Variants in ROBO1 observed in about 807,000 individuals in gnomAD.
The protein encoded by ROBO1 is roundabout guidance receptor 1.
In ROBO1, 149 loss-of-function variants were observed where a neutral mutation model predicts 195.9. That is an observed-to-expected ratio of 0.76 (90% CI 0.67 to 0.87). The LOEUF (loss-of-function observed/expected upper bound fraction) is 0.87, where lower values mean the gene tolerates loss of function less well. Ranked by LOEUF, ROBO1 falls within the 40% of genes least tolerant of loss-of-function variation. ROBO1 has a pLI of 0.00. For missense variants in ROBO1, 1,933 were observed against 2,068.3 expected, an observed-to-expected ratio of 0.93 and a Z score of 1.27; for synonymous variants, 816 against 733.2, an observed-to-expected ratio of 1.11 and a Z score of -1.82.
chr3:79,620,006 T>A (rs1489753197), intron 1 of ROBO1, among the ~76,000 whole-genome samples: 5 of 152,110 alleles, frequency 3.3e-5, no homozygotes, highest in African/African-American at 1.2e-4. Flanking sequence ...CCCAGCCACA[T>A]CTCCAGCATA....
rs2038741464 is a variant in ROBO1, at chr3:78,918,234, TAA to T, written c.499+20365_499+20366del. Among the ~76,000 whole-genome samples the T allele has an allele frequency of 2.6e-5, 4 of 152,278 alleles. No homozygotes were observed. The South Asian group carries it at 8.3e-4, about 32-fold the overall frequency. ...TTATTCCTTCTCCCATGAAATAGGTTAAATTGTGTTGATGACATTTACATCTA... is the reference window on the plus strand; with the variant it reads ...TTATTCCTTCTCCCATGAAATAGGTTATTGTGTTGATGACATTTACATCTA... On this transcript the variant is annotated intron_variant, in intron 4 of 30. Transcript: ENST00000464233.
At chr3:79,607,523 T>G (rs1944526169) in intron 1 of ROBO1, among the ~76,000 whole-genome samples, 2 of 151,518 alleles carry the variant, frequency 1.3e-5, no homozygotes, top group Admixed American at 6.6e-5. Context: ...TAACAGAAAA[T>G]TTTTGATATT....
intron 10 of ROBO1, among the ~76,000 whole-genome samples, chr3:78,677,790 C>T (rs1708530227): frequency 6.6e-6 from 1 of 152,038 alleles, no homozygotes; most frequent in East Asian, 1.9e-4. Flanking sequence ...ACAAGCATAC[C>T]CAGGAATTGA....
chr3:78,751,907 G>A (rs2082805780), intron 4 of ROBO1, among the ~76,000 whole-genome samples: 1 of 152,022 alleles, frequency 6.6e-6, no homozygotes, highest in African/African-American at 2.4e-5. Flanking sequence ...GGGAAAAATA[G>A]GGGAAGATAT....
intron 2 of ROBO1, among the ~76,000 whole-genome samples, chr3:79,533,260 T>C (rs1941730421): frequency 6.6e-6 from 1 of 152,152 alleles, no homozygotes; most frequent in Non-Finnish European, 1.5e-5. Context: ...ACATCATCCA[T>C]TGCATCATTA....
chr3:79,759,321 A>T (rs953034317), intron 1 of ROBO1, among the ~76,000 whole-genome samples: 1 of 152,214 alleles, frequency 6.6e-6, no homozygotes, highest in Non-Finnish European at 1.5e-5. Context: ...TTGAGTGCTT[A>T]TTCAAGGGTT....
intron 3 of ROBO1, among the ~76,000 whole-genome samples, chr3:79,022,644 A>C (rs138345267): frequency 6.6e-6 from 1 of 152,318 alleles, no homozygotes; most frequent in African/African-American, 2.4e-5. Context: ...TTGACTCATC[A>C]GTTTGGGTGG....
intron 3 of ROBO1, among the ~76,000 whole-genome samples, chr3:79,016,886 T>C (rs553523343): frequency 3.3e-5 from 5 of 152,192 alleles, no homozygotes; most frequent in African/African-American, 1.2e-4. Flanking sequence ...GGGAGGCAAA[T>C]AGAGAGATCA....
intron 2 of ROBO1, among the ~76,000 whole-genome samples, chr3:79,397,076 T>C (rs1230488810): frequency 6.6e-6 from 1 of 152,062 alleles, no homozygotes; most frequent in African/African-American, 2.4e-5. Flanking sequence ...GTGAAAAATA[T>C]ACTCTTTGAA....
intron 3 of ROBO1, among the ~76,000 whole-genome samples, chr3:79,036,659 G>GA (rs956157014): frequency 5.3e-4 from 80 of 149,692 alleles, no homozygotes; most frequent in Admixed American, 1.7e-3. Flanking sequence ...TTCCTTTCTG[G>GA]AAAAAAAAAG....
chr3:78,699,174 A>G (rs2107923322), intron 8 of ROBO1, among the ~76,000 whole-genome samples: 1 of 152,174 alleles, frequency 6.6e-6, no homozygotes, highest in South Asian at 2.1e-4. Context: ...TTCTGGCCCA[A>G]GCTATCCAAC....
chr3:79,406,917 T>C (rs2037571908), intron 2 of ROBO1, among the ~76,000 whole-genome samples: 5 of 152,068 alleles, frequency 3.3e-5, no homozygotes, highest in Admixed American at 3.3e-4. Context: ...TCTTTTTCTT[T>C]TTCTTTCTTT....
chr3:78,985,549 C>G (rs761282317), intron 3 of ROBO1, among the ~76,000 whole-genome samples: 5 of 151,958 alleles, frequency 3.3e-5, no homozygotes, highest in Non-Finnish European at 7.4e-5. Flanking sequence ...TATTTGGTAG[C>G]AGGGTTTCTC....
intron 5 of ROBO1, among the ~76,000 whole-genome samples, chr3:78,734,200 G>A (rs764915805): frequency 8.6e-5 from 13 of 152,030 alleles, no homozygotes; most frequent in Non-Finnish European, 1.5e-4. Flanking sequence ...AATTCCATGT[G>A]GAAGGCAGCA....
chr3:78,732,293 T>C (rs562118105), intron 5 of ROBO1, among the ~76,000 whole-genome samples: 7 of 152,128 alleles, frequency 4.6e-5, no homozygotes, highest in Non-Finnish European at 7.4e-5. Context: ...GTGCTATCCA[T>C]GGACCTCCTT....
chr3:79,353,013 C>T (rs6768454), intron 2 of ROBO1, among the ~76,000 whole-genome samples: 149,710 of 152,262 alleles, frequency 0.98, 73,618 homozygotes, highest in East Asian at 1. Context: ...AATGTTAACT[C>T]TGAAAAATTG....
intron 2 of ROBO1, among the ~76,000 whole-genome samples, chr3:79,365,022 C>A (rs2035915456): frequency 6.6e-6 from 1 of 152,158 alleles, no homozygotes; most frequent in African/African-American, 2.4e-5. Context: ...TTTAATCATT[C>A]CTCACTCTAT....
chr3:79,042,255 A>G (rs1559614949), intron 3 of ROBO1, among the ~76,000 whole-genome samples: 1 of 152,188 alleles, frequency 6.6e-6, no homozygotes, highest in Non-Finnish European at 1.5e-5. Flanking sequence ...TAGTCTACAC[A>G]TATACATACA....
chr3:79,698,824 C>T (rs192502048), intron 1 of ROBO1, among the ~76,000 whole-genome samples: 10 of 151,422 alleles, frequency 6.6e-5, no homozygotes, highest in Non-Finnish European at 1.5e-4. Context: ...ATAAAGCAGA[C>T]AGAGTTGACT....
Sources: gnomAD v4.1 joint callset for allele counts (sites outside exome capture counted in the v4.1 genomes callset) on GRCh38, gnomAD v4.1.1 for gene constraint, MANE v1.5 for transcripts, NCBI Gene and HGNC (gene_info 2026-07-23, HGNC 2026-07-21) for gene names.